RBM6: variants seen among roughly 807,000 people sequenced by gnomAD.
RBM6 encodes the protein RNA binding motif protein 6, also known as RNA-binding protein 6.
In RBM6, 23 loss-of-function variants were observed where a neutral mutation model predicts 140.4. The ratio of observed to expected loss-of-function variants is 0.16; its 90% confidence interval spans 0.12 to 0.23. RBM6 has a LOEUF of 0.23. Ranked by LOEUF, RBM6 falls within the 10% of genes least tolerant of loss-of-function variation. RBM6 has a pLI of 1.00. For synonymous variants in RBM6, 439 were observed against 475.6 expected (o/e 0.92, Z 1.00); for missense variants, 1,139 against 1,386.7 (o/e 0.82, Z 2.84).
intron 6 of RBM6, among the ~76,000 whole-genome samples, chr3:50,024,256 T>G (rs1051573330): frequency 6.6e-6 from 1 of 152,164 alleles, no homozygotes; most frequent in Non-Finnish European, 1.5e-5. Context: ...TCTAAATAAT[T>G]ATTTCCCCTC....
At chr3:50,023,898 T>G (rs546129469) in intron 6 of RBM6, among the ~76,000 whole-genome samples, 1 of 152,216 alleles carries the variant, frequency 6.6e-6, no homozygotes, top group East Asian at 1.9e-4. Flanking sequence ...TCCACCCATC[T>G]CAGCCTCCCA....
intron 18 of RBM6, among the ~76,000 whole-genome samples, chr3:50,069,473 G>C (rs1171779918): frequency 6.9e-6 from 1 of 144,986 alleles, no homozygotes; most frequent in Non-Finnish European, 1.5e-5. Flanking sequence ...GTGCCACTGC[G>C]CTCCAGCCTG....
intron 5 of RBM6, among the ~76,000 whole-genome samples, chr3:49,983,352 T>A (rs1160072805): frequency 6.6e-6 from 1 of 151,358 alleles, no homozygotes; most frequent in Non-Finnish European, 1.5e-5. Flanking sequence ...AGTAGCCGAG[T>A]GTGGTGATGT....
chr3:50,060,817 C>A, intron 11 of RBM6, 139 bp from the exon 12 acceptor site: 1 of 681,060 alleles, frequency 1.5e-6, no homozygotes, highest in Non-Finnish European at 2.3e-6. Context: ...CTGGACCACC[C>A]AACCTGCTTG....
chr3:50,004,306 T>TC lies in RBM6; in HGVS notation c.1557+4801dup, dbSNP rs1553648476. On this transcript the variant is annotated intron_variant, in intron 6 of 20. Coordinates refer to ENST00000266022, the MANE Select transcript of RBM6 (RefSeq NM_005777.3). Reference sequence around the variant, plus strand: ...CTTTTTTTCTTTCCTTTTTCTCCCCTCCCCCCCCTCCCCTCTCCTCTTATT... The same window carrying TC: ...CTTTTTTTCTTTCCTTTTTCTCCCCTCCCCCCCCCTCCCCTCTCCTCTTATT... Among the ~76,000 whole-genome samples, 111 of 43,692 alleles carry TC rather than the reference T, an allele frequency of 2.5e-3. 1 individual carries two copies. Among genetic ancestry groups the TC allele is most frequent in the African/African-American group, 8.5e-3 (103 of 12,144 alleles). 28.7% of individuals were successfully genotyped at this position (43,692 alleles called of 152,430 possible).
At position 49,975,243 on chromosome 3, in the gene RBM6, A is replaced by T; in HGVS notation, c.1414-80A>T. 2 of 1,239,232 alleles carry T rather than the reference A, an allele frequency of 1.6e-6. 1 individual carries two copies. Among genetic ancestry groups the T allele is most frequent in the South Asian group, 2.4e-5 (2 of 82,172 alleles). The allele number at this position is 1,239,232 out of a possible 1,614,324, so 76.8% of individuals were successfully genotyped here. A position where few individuals can be genotyped will look rare whatever the true frequency, so the allele number is the denominator to read the frequency against. On this transcript the variant is annotated intron_variant, in intron 4 of 20. Coordinates refer to ENST00000266022, the MANE Select transcript of RBM6 (RefSeq NM_005777.3). Reference sequence around the variant, plus strand: ...TAATCATGGCTTTAAATTATGTATGATAAAAACTGTTAGGGAAAATCTGAT... The same window carrying T: ...TAATCATGGCTTTAAATTATGTATGTTAAAAACTGTTAGGGAAAATCTGAT...
chr3:49,960,390 G>A (rs949963620), intron 1 of RBM6, among the ~76,000 whole-genome samples: 4 of 152,198 alleles, frequency 2.6e-5, no homozygotes, highest in African/African-American at 9.6e-5. Flanking sequence ...ATTTGGTTCA[G>A]ACAGTTACTA....
intron 6 of RBM6, among the ~76,000 whole-genome samples, chr3:50,039,269 C>T (rs1223158894): frequency 1.3e-5 from 2 of 151,996 alleles, no homozygotes; most frequent in Non-Finnish European, 2.9e-5. Context: ...GATGGAGTCT[C>T]GCTCTTTTCA....
chr3:49,999,381 T>C, intron 5 of RBM6, 59 bp from the exon 6 acceptor site: 1 of 1,413,758 alleles, frequency 7.1e-7, no homozygotes, highest in Non-Finnish European at 1.0e-6. Context: ...TTTAAGTGTG[T>C]CTTTTGTGTT....
chr3:50,075,217 G>A lies in RBM6; in HGVS notation c.3133G>A (p.Asp1045Asn), dbSNP rs1465342927. ...RETDSDRKLVDKEDIDTSSKG... is the reference protein window; with the variant it reads ...RETDSDRKLVNKEDIDTSSKG... ...CTTTTGCAGTGATCGTAAACTTGTT[G>A]ATAAAGAAGATATCGACACTAGCAG... Residue 1045 changes from aspartate to asparagine, a missense_variant, in exon 20 of 21, where the codon GAT (aspartate) becomes AAT (asparagine). Physicochemically the swap from Asp to Asn is conservative, Grantham distance 23. Coordinates refer to ENST00000266022, the MANE Select transcript of RBM6 (RefSeq NM_005777.3). 1.9e-6 allele frequency: 3 copies of A among 1,613,402 alleles called. No homozygotes were observed. The highest frequency in any genetic ancestry group is 1.7e-5 in the Admixed American group (1 of 59,950).
intron 1 of RBM6, among the ~76,000 whole-genome samples, chr3:49,947,878 G>A (rs1369354350): frequency 6.6e-6 from 1 of 152,176 alleles, no homozygotes; most frequent in African/African-American, 2.4e-5. Flanking sequence ...TTGAAAATCA[G>A]TTGACTAAAG....
chr3:50,028,843 A>T (rs906021491), intron 6 of RBM6, among the ~76,000 whole-genome samples: 2 of 152,202 alleles, frequency 1.3e-5, no homozygotes, highest in Non-Finnish European at 2.9e-5. Flanking sequence ...TTTATTCTTC[A>T]TAAGCCCTAG....
chr3:49,957,355 A>G (rs971730714), intron 1 of RBM6, among the ~76,000 whole-genome samples: 7 of 150,706 alleles, frequency 4.6e-5, no homozygotes, highest in African/African-American at 1.7e-4. Flanking sequence ...TATATGGCCA[A>G]TGGTGGTTTC....
intron 6 of RBM6, among the ~76,000 whole-genome samples, chr3:50,020,699 G>A (rs2087431858): frequency 6.6e-6 from 1 of 152,148 alleles, no homozygotes; most frequent in African/African-American, 2.4e-5. Flanking sequence ...AAATGGTATA[G>A]CCTGCTACCC....
At chr3:49,958,062 C>T (rs2084082807) in intron 1 of RBM6, among the ~76,000 whole-genome samples, 1 of 152,124 alleles carries the variant, frequency 6.6e-6, no homozygotes, top group African/African-American at 2.4e-5. Flanking sequence ...GAACTCCTGA[C>T]CTCAGGTGTG....
At chr3:50,059,807 C>T in intron 11 of RBM6, 61 bp downstream of exon 11, 1 of 1,332,370 alleles carries the variant, frequency 7.5e-7, no homozygotes, top group South Asian at 1.3e-5. Flanking sequence ...AGAGGAAACT[C>T]CTTTTCCTGG....
At chr3:49,943,441 C>T (rs2083368543) in intron 1 of RBM6, among the ~76,000 whole-genome samples, 1 of 152,046 alleles carries the variant, frequency 6.6e-6, no homozygotes, top group Non-Finnish European at 1.5e-5. Context: ...GCTGGGACTA[C>T]AGGCATGGGC....
At chr3:50,016,406 G>A (rs563196395) in intron 6 of RBM6, among the ~76,000 whole-genome samples, 3 of 152,226 alleles carry the variant, frequency 2.0e-5, no homozygotes, top group South Asian at 4.2e-4. Context: ...GTGAACATGG[G>A]AATGCAGGTA....
At chr3:50,073,912 C>T (rs1297842662) in intron 19 of RBM6, among the ~76,000 whole-genome samples, 5 of 151,664 alleles carry the variant, frequency 3.3e-5, no homozygotes, top group African/African-American at 9.7e-5. Context: ...TGCAATGGCA[C>T]GATCTTGGCT....
Sources: allele counts gnomAD v4.1 joint callset (sites outside exome capture counted in the v4.1 genomes callset), GRCh38; gene constraint gnomAD v4.1.1; transcripts MANE v1.5; gene names NCBI Gene and HGNC (gene_info 2026-07-23, HGNC 2026-07-21).